The following SSC4D variants were observed in gnomAD, a reference collection of about 807,000 sequenced individuals.
SSC4D encodes scavenger receptor cysteine-rich domain-containing group B protein.
In SSC4D, 57 loss-of-function variants were observed where a neutral mutation model predicts 63.4. The ratio of observed to expected loss-of-function variants is 0.90; its 90% confidence interval spans 0.73 to 1.12. The LOEUF (loss-of-function observed/expected upper bound fraction) is 1.12, where lower values mean the gene tolerates loss of function less well. SSC4D is among the 50% of genes most tolerant of loss of function. SSC4D has a pLI of 0.00. For missense variants in SSC4D, 791 were observed against 806.4 expected (o/e 0.98, Z 0.23); for synonymous variants, 352 against 345.4 (o/e 1.02, Z -0.21).
chr7:76,395,875 A>G (rs1804626056), intron 6 of SSC4D, among the ~76,000 whole-genome samples: 1 of 152,186 alleles, frequency 6.6e-6, no homozygotes, highest in Admixed American at 6.5e-5. Context: ...TATTTTTTTT[A>G]GTAGAGATGG....
intron 6 of SSC4D, among the ~76,000 whole-genome samples, chr7:76,396,312 ACACC>A (rs1364327961): frequency 6.6e-6 from 1 of 152,182 alleles, no homozygotes; most frequent in Non-Finnish European, 1.5e-5. Context: ...TGCCGTGGCA[ACACC>A]TGGAGTTACC....
At chr7:76,394,324 A>G (rs570187499) in intron 7 of SSC4D, among the ~76,000 whole-genome samples, 1 of 151,988 alleles carries the variant, frequency 6.6e-6, no homozygotes, top group Non-Finnish European at 1.5e-5. Flanking sequence ...AGCTCACTGC[A>G]GCCTAGAACT....
Position 76,393,588 on chromosome 7 carries a change from C to T in SSC4D, c.1150G>A (p.Glu384Lys), listed in dbSNP as rs1804553596. ...DFADARVACREAGCGPALGAT... is the reference protein window; with the variant it reads ...DFADARVACRKAGCGPALGAT... The stretch of plus-strand genomic sequence containing the variant: ...CCCAGCGCAGGCCCGCAGCCCGCTT[C>T]GCGGCAGGCCACGCGCGCGTCCGCA... Residue 384 changes from glutamate (E) to lysine (K), a missense_variant, in exon 9 of 11, where the codon GAA becomes AAA. Physicochemically the swap from Glu to Lys is moderately conservative, Grantham distance 56. Transcript: ENST00000275560. The T allele has an allele frequency of 6.6e-7, 1 of 1,508,988 alleles. No homozygotes were observed. Among genetic ancestry groups the T allele is most frequent in the Non-Finnish European group, 8.8e-7 (1 of 1,135,290 alleles). The allele number at this position is 1,508,988 out of a possible 1,614,324, so 93.5% of individuals were successfully genotyped here. A position where few individuals can be genotyped will look rare whatever the true frequency, so the allele number is the denominator to read the frequency against.
chr7:76,401,479 C>G (rs1426554521), intron 2 of SSC4D, among the ~76,000 whole-genome samples: 1 of 151,964 alleles, frequency 6.6e-6, no homozygotes, highest in Non-Finnish European at 1.5e-5. Flanking sequence ...TGCAATGGCA[C>G]GATCTCAGCT....
chr7:76,396,773 AT>A (rs1241365782), intron 6 of SSC4D, among the ~76,000 whole-genome samples: 1 of 152,218 alleles, frequency 6.6e-6, no homozygotes, highest in Non-Finnish European at 1.5e-5. Flanking sequence ...AGCAGAGTCC[AT>A]CTGTGAAATA....
chr7:76,391,996 G>A lies in SSC4D; in HGVS notation c.1379C>T (p.Thr460Ile). The change falls in exon 10 of 11, where the codon ACC (threonine) becomes ATC (isoleucine). Residue 460 changes from threonine (T) to isoleucine (I), a missense_variant. Thr to Ile is a moderately conservative substitution (Grantham distance 89). Transcript: ENST00000275560. ...GGGCCGAGGAGTGGGCACCCGCGTG[G>A]TCTCAGAACCATCCTGCTGGACTTG... ...GLQVQQDGSE[T>I]TRVPTPRPRD... 5.6e-6 allele frequency: 9 copies of A among 1,593,520 alleles called. No individual in the cohort carries two copies. Among genetic ancestry groups the A allele is most frequent in the Non-Finnish European group, 7.7e-6 (9 of 1,169,846 alleles).
chr7:76,408,027 G>C (rs1805097126), intron 1 of SSC4D, among the ~76,000 whole-genome samples: 1 of 152,160 alleles, frequency 6.6e-6, no homozygotes, highest in Non-Finnish European at 1.5e-5. Flanking sequence ...TTGGTGTTGG[G>C]GGTCAGGGAG....
intron 10 of SSC4D, 29 bp downstream of exon 10, chr7:76,391,935 C>G (rs141710951): frequency 5.7e-6 from 9 of 1,573,132 alleles, no homozygotes; most frequent in Non-Finnish European, 7.8e-6. Context: ...GATGCCTCCA[C>G]CCACTTTCAG....
chr7:76,403,143 T>A (rs1804883436), intron 2 of SSC4D, among the ~76,000 whole-genome samples: 2 of 152,300 alleles, frequency 1.3e-5, no homozygotes, highest in South Asian at 4.1e-4. Context: ...TTCTTCATCA[T>A]GCAGTTCTGA....
intron 2 of SSC4D, among the ~76,000 whole-genome samples, chr7:76,402,655 A>T (rs1260407403): frequency 6.6e-6 from 1 of 151,506 alleles, no homozygotes; most frequent in East Asian, 1.9e-4. Flanking sequence ...GTATGTCCTC[A>T]TTGCTTTCTT....
rs1274811589 is a variant in SSC4D at position 76,400,334 on chromosome 7, C to T, written c.427G>A (p.Gly143Ser). 4.6e-6 allele frequency: 7 copies of T among 1,515,150 alleles called. No individual in the cohort carries two copies. Among genetic ancestry groups the T allele is most frequent in the Non-Finnish European group, 6.2e-6 (7 of 1,127,298 alleles). 93.9% of individuals were successfully genotyped at this position (1,515,150 alleles called of 1,614,324 possible). Residue 143 changes from glycine (G) to serine (S), a missense_variant, in exon 4 of 11, where the codon GGC (glycine) becomes AGC (serine). Physicochemically the swap from Gly to Ser is moderately conservative, Grantham distance 56. Transcript: ENST00000275560. ...TCGTAGTGAAAGCAATTGTGGACGC[C>T]CCAGCCGCGGCTGCCGCACTCGCTC... The part of the protein sequence containing the change: ...ALSECGSRGW[G>S]VHNCFHYEDV...
rs114751290 is a variant in SSC4D at position 76,397,402 on chromosome 7, C to T, written c.868+116G>A. ...CTGCCTGGAGAGCTCTGGGGAGCATCAAGACAGCCAAAACACCCTCCCCAT... is the reference window on the plus strand; with the variant it reads ...CTGCCTGGAGAGCTCTGGGGAGCATTAAGACAGCCAAAACACCCTCCCCAT... On this transcript the variant is annotated intron_variant, in intron 6 of 10. Transcript: ENST00000275560. 1,592 of 1,300,338 alleles carry T rather than the reference C, an allele frequency of 1.2e-3. 16 individuals carry two copies. The African/African-American group carries it at 0.022, about 18-fold the overall frequency. The allele number at this position is 1,300,338 out of a possible 1,614,324, so 80.6% of individuals were successfully genotyped here.
chr7:76,405,583 A>G (rs2115810241), intron 1 of SSC4D, among the ~76,000 whole-genome samples: 1 of 151,700 alleles, frequency 6.6e-6, no homozygotes, highest in Non-Finnish European at 1.5e-5. Flanking sequence ...AGGCTGCAGG[A>G]AAAAGAAAAA....
intron 6 of SSC4D, among the ~76,000 whole-genome samples, chr7:76,395,781 T>C (rs1184832363): frequency 3.3e-5 from 5 of 152,342 alleles, no homozygotes; most frequent in Admixed American, 6.5e-5. Context: ...AACCTCCGCC[T>C]CCCAGGTTCA....
intron 8 of SSC4D, 49 bp from the exon 9 acceptor site, chr7:76,393,765 G>T: frequency 7.5e-7 from 1 of 1,325,888 alleles, no homozygotes; most frequent in Non-Finnish European, 9.5e-7. Context: ...TGGGGCTGCC[G>T]GCTCCCGGCA....
In SSC4D at chr7:76,397,522, G is replaced by A. The variant is rs1804674277; in HGVS notation, c.864C>T (p.Cys288=). The A allele has an allele frequency of 6.4e-7, 1 of 1,550,934 alleles. No homozygotes were observed. The highest frequency in any genetic ancestry group is 8.7e-7 in the Non-Finnish European group (1 of 1,149,706). Residue 288 remains cysteine (C), a synonymous_variant, in exon 6 of 11, where the codon TGC becomes TGT. Coordinates refer to ENST00000275560, the MANE Select transcript of SSC4D (RefSeq NM_080744.2). ...CATCGCCCCTAGAGCCCGCACCTGC[G>A]CAGAGCGCGCCCGCGTCCTCGTGGT... is the stretch of plus-strand genomic sequence containing the variant. ...CGHHEDAGAL[C]AGLGPPTLTA...
chr7:76,404,395 C>T lies in SSC4D; in HGVS notation c.45G>A (p.Glu15=). ...AEMLIGPQLD[E]KRWGWRLGDG... ...CTCCCAACCTCCACCCCCAGCGCTT[C>T]TCATCCAGCTGGGGACCAATTAGCA... is the stretch of plus-strand genomic sequence containing the variant. Residue 15 remains glutamate, a synonymous_variant, in exon 2 of 11, where the codon GAG becomes GAA. Coordinates refer to ENST00000275560, the MANE Select transcript of SSC4D (RefSeq NM_080744.2). The T allele has an allele frequency of 6.2e-7, 1 of 1,614,076 alleles. No individual in the cohort carries two copies. Among genetic ancestry groups the T allele is most frequent in the Non-Finnish European group, 8.5e-7 (1 of 1,180,004 alleles).
chr7:76,403,295 C>T (rs1457112681), intron 2 of SSC4D, among the ~76,000 whole-genome samples: 1 of 152,072 alleles, frequency 6.6e-6, no homozygotes, highest in East Asian at 1.9e-4. Flanking sequence ...CCACCCCCTG[C>T]AGCCTGTACT....
intron 4 of SSC4D, among the ~76,000 whole-genome samples, chr7:76,399,433 A>T (rs1029686642): frequency 2.0e-5 from 3 of 152,140 alleles, no homozygotes; most frequent in Non-Finnish European, 2.9e-5. Flanking sequence ...CTGTGTTTTC[A>T]TGAGACCCCC....
Sources: allele counts gnomAD v4.1 joint callset (sites outside exome capture counted in the v4.1 genomes callset), GRCh38; gene constraint gnomAD v4.1.1; transcripts MANE v1.5; gene names NCBI Gene and HGNC (gene_info 2026-07-23, HGNC 2026-07-21).